Variants in KCNAB1 observed in about 807,000 individuals in gnomAD.
KCNAB1 encodes potassium voltage-gated channel subfamily A regulatory beta subunit 1.
A neutral mutation model predicts 64.6 loss-of-function variants in KCNAB1; 35 were observed. The observed-to-expected ratio is 0.54, with a 90% CI of 0.41 to 0.72. The LOEUF (loss-of-function observed/expected upper bound fraction) is 0.72, where lower values mean the gene tolerates loss of function less well. Ranked by LOEUF, KCNAB1 falls within the 30% of genes least tolerant of loss-of-function variation. KCNAB1 has a pLI of 0.00. For synonymous variants in KCNAB1, 177 were observed against 183.8 expected (o/e 0.96, Z 0.30); for missense variants, 401 against 512.9 (o/e 0.78, Z 2.11).
At chr3:156,472,923 C>T (rs1714037298) in intron 7 of KCNAB1, among the ~76,000 whole-genome samples, 1 of 152,174 alleles carries the variant, frequency 6.6e-6, no homozygotes, top group Non-Finnish European at 1.5e-5. Flanking sequence ...CCTGATCACA[C>T]AGTGCTGTAA....
chr3:156,347,253 G>A (rs957251657), intron 1 of KCNAB1, among the ~76,000 whole-genome samples: 5 of 152,214 alleles, frequency 3.3e-5, no homozygotes, highest in African/African-American at 1.2e-4. Context: ...GAAAAATAGA[G>A]CAGCAAACAC....
chr3:156,362,893 G>A (rs1725700551), intron 1 of KCNAB1, among the ~76,000 whole-genome samples: 1 of 152,204 alleles, frequency 6.6e-6, no homozygotes, highest in Admixed American at 6.5e-5. Context: ...TCTGAGAACA[G>A]AAGCAGTCAA....
intron 1 of KCNAB1, among the ~76,000 whole-genome samples, chr3:156,411,534 G>T (rs1330299000): frequency 6.6e-6 from 1 of 152,110 alleles, no homozygotes; most frequent in Non-Finnish European, 1.5e-5. Flanking sequence ...ATTTGTATAA[G>T]ATGTGAGGTT....
At chr3:156,342,832 AGTCCAATG>A (rs1213890503) in intron 1 of KCNAB1, among the ~76,000 whole-genome samples, 1 of 151,872 alleles carries the variant, frequency 6.6e-6, no homozygotes, top group Non-Finnish European at 1.5e-5. Context: ...TCAAGAGGGA[AGTCCAATG>A]GGGGGCTTTT....
At chr3:156,329,072 A>T (rs17308756) in intron 1 of KCNAB1, among the ~76,000 whole-genome samples, 2,410 of 152,284 alleles carry the variant, frequency 0.016, 26 homozygotes, top group Middle Eastern at 0.027. Context: ...TGCTGCACTT[A>T]TCTTTTTGCT....
intron 1 of KCNAB1, among the ~76,000 whole-genome samples, chr3:156,177,462 C>T (rs371760609): frequency 5.9e-5 from 9 of 152,110 alleles, no homozygotes; most frequent in African/African-American, 1.9e-4. Context: ...CAGCAAGCTC[C>T]GCCTTCCAGG....
intron 2 of KCNAB1, among the ~76,000 whole-genome samples, chr3:156,426,146 T>C (rs1354808577): frequency 6.6e-6 from 1 of 152,202 alleles, no homozygotes; most frequent in African/African-American, 2.4e-5. Context: ...TTGTCTTCTA[T>C]GTCTCTGGAA....
chr3:156,328,168 G>A (rs145849362), intron 1 of KCNAB1, among the ~76,000 whole-genome samples: 209 of 152,264 alleles, frequency 1.4e-3, no homozygotes, highest in African/African-American at 4.7e-3. Flanking sequence ...GCTGCATGTC[G>A]TTTGCAGTGG....
intron 8 of KCNAB1, among the ~76,000 whole-genome samples, chr3:156,477,814 G>A (rs541808851): frequency 4.6e-5 from 7 of 152,116 alleles, no homozygotes; most frequent in Non-Finnish European, 8.8e-5. Flanking sequence ...AGGACTGTCC[G>A]GTGGACTTGG....
intron 1 of KCNAB1, among the ~76,000 whole-genome samples, chr3:156,177,530 C>T (rs1341137344): frequency 6.6e-6 from 1 of 151,646 alleles, no homozygotes; most frequent in Non-Finnish European, 1.5e-5. Context: ...GCGCCCGCCA[C>T]CCCGCCTGGC....
chr3:156,516,210 C>A (rs373239351), intron 10 of KCNAB1, 60 bp from the exon 11 acceptor site: 1 of 1,226,782 alleles, frequency 8.2e-7, no homozygotes, highest in Non-Finnish European at 1.2e-6. Context: ...CTGCCCCCAC[C>A]GCCACCCACC....
At chr3:156,395,422 G>C (rs1235774336) in intron 1 of KCNAB1, among the ~76,000 whole-genome samples, 8 of 148,666 alleles carry the variant, frequency 5.4e-5, no homozygotes, top group Non-Finnish European at 1.2e-4. Flanking sequence ...GCGGGCGCCT[G>C]TAGTCCCAGC....
intron 1 of KCNAB1, among the ~76,000 whole-genome samples, chr3:156,182,741 G>A (rs866731220): frequency 3.5e-5 from 5 of 142,396 alleles, no homozygotes; most frequent in Non-Finnish European, 6.0e-5. Flanking sequence ...TCTGTTGCCC[G>A]GGGTTGGAGT....
chr3:156,231,624 C>T (rs1217674258), intron 1 of KCNAB1, among the ~76,000 whole-genome samples: 2 of 151,128 alleles, frequency 1.3e-5, no homozygotes, highest in Non-Finnish European at 2.9e-5. Context: ...TTATAAGAAA[C>T]ATTTTACAAC....
intron 8 of KCNAB1, among the ~76,000 whole-genome samples, chr3:156,491,844 G>T (rs1715654505): frequency 6.6e-6 from 1 of 152,000 alleles, no homozygotes; most frequent in Non-Finnish European, 1.5e-5. Flanking sequence ...AAAATAGGAG[G>T]TGATAAAATT....
intron 1 of KCNAB1, among the ~76,000 whole-genome samples, chr3:156,356,787 C>G (rs1166626847): frequency 6.6e-6 from 1 of 152,070 alleles, no homozygotes; most frequent in Non-Finnish European, 1.5e-5. Context: ...TTTTAGTAGC[C>G]TAAAAAAGAA....
intron 1 of KCNAB1, among the ~76,000 whole-genome samples, chr3:156,124,379 G>C (rs569756109): frequency 6.6e-6 from 1 of 151,832 alleles, no homozygotes; most frequent in African/African-American, 2.4e-5. Flanking sequence ...ATTACGCCCA[G>C]CTAATTTTTG....
chr3:156,471,782 T>C (rs1559902281), intron 7 of KCNAB1, among the ~76,000 whole-genome samples: 1 of 152,202 alleles, frequency 6.6e-6, no homozygotes, highest in South Asian at 2.1e-4. Context: ...ATGAAACATA[T>C]CTTAATGTTG....
At chr3:156,288,185 CCTT>C (rs1720201268) in intron 1 of KCNAB1, among the ~76,000 whole-genome samples, 1 of 152,190 alleles carries the variant, frequency 6.6e-6, no homozygotes, top group Non-Finnish European at 1.5e-5. Flanking sequence ...CTAATCTCCT[CCTT>C]CTATATGGAC....
Sources: gnomAD v4.1 joint callset for allele counts (sites outside exome capture counted in the v4.1 genomes callset) on GRCh38, gnomAD v4.1.1 for gene constraint, MANE v1.5 for transcripts, NCBI Gene and HGNC (gene_info 2026-07-23, HGNC 2026-07-21) for gene names.